The following KMT2A variants were observed in gnomAD, a reference collection of about 807,000 sequenced individuals.
The protein encoded by KMT2A is lysine methyltransferase 2A, also known as histone-lysine N-methyltransferase 2A.
KMT2A carries 16 observed loss-of-function variants against 345.3 expected under a neutral mutation model. The ratio of observed to expected loss-of-function variants is 0.05; its 90% CI spans 0.03 to 0.07. The LOEUF is 0.07. KMT2A is among the 10% of genes least tolerant of loss of function. KMT2A has a pLI of 1.00. For missense variants in KMT2A, 3,272 were observed against 4,841.6 expected, an observed-to-expected ratio of 0.68 and a Z score of 9.62; for synonymous variants, 1,599 against 1,778.6, an observed-to-expected ratio of 0.90 and a Z score of 2.54.
chr11:118,447,942 T>A (rs1215092917), intron 1 of KMT2A: 2 of 184,508 alleles, frequency 1.1e-5, no homozygotes, highest in African/African-American at 4.7e-5. Flanking sequence ...AATTTTATTA[T>A]CTTCTCTGGA....
At position 118,521,513 on chromosome 11, in the gene KMT2A, C is replaced by T; in HGVS notation, c.11643+96C>T. ...TCACAAAAGAAATAGTGTATGTTAT[C>T]AATTCAGAGACCTTTCTTAAAAAAA... On this transcript the variant is annotated intron_variant, in intron 35 of 35. Coordinates refer to ENST00000534358, the MANE Select transcript of KMT2A (RefSeq NM_001197104.2). The surrounding 1 kb of genome is among the most constrained non-coding windows in gnomAD (Gnocchi z 5.3). 4 of 1,395,534 alleles carry T rather than the reference C, an allele frequency of 2.9e-6. No individual in the cohort carries two copies. In the South Asian group the frequency reaches 4.1e-5, roughly 14 times the overall value. The allele number at this position is 1,395,534 out of a possible 1,614,324, so 86.4% of individuals were successfully genotyped here. A position where few individuals can be genotyped will look rare whatever the true frequency, so the allele number is the denominator to read the frequency against.
intron 3 of KMT2A, among the ~76,000 whole-genome samples, chr11:118,475,827 T>A (rs1157517339): frequency 6.6e-6 from 1 of 152,254 alleles, no homozygotes; most frequent in Non-Finnish European, 1.5e-5. Context: ...TGGGACTTAT[T>A]TTTAACACCA....
chr11:118,457,856 A>G (rs1442721702), intron 1 of KMT2A, among the ~76,000 whole-genome samples: 1 of 151,778 alleles, frequency 6.6e-6, no homozygotes, highest in Non-Finnish European at 1.5e-5. Context: ...GTCTTCCTCT[A>G]GCATAGCAGG....
At chr11:118,519,361 G>T in intron 31 of KMT2A, 1 of 406,968 alleles carries the variant, frequency 2.5e-6, no homozygotes, top group Non-Finnish European at 4.5e-6. Context: ...GCATTTCTGT[G>T]TAATAAAGCA....
chr11:118,439,233 C>G (rs1329582115), intron 1 of KMT2A: 1 of 380,608 alleles, frequency 2.6e-6, no homozygotes, highest in Non-Finnish European at 5.1e-6. Context: ...TGAGACTTGC[C>G]TGGTTATATG....
Position 118,481,930 on chromosome 11 carries a change from A to G in KMT2A, c.3850A>G (p.Lys1284Glu). ...GNVSAPGPES[K>E]QATTPASRKS... is the part of the protein sequence containing the mutation. The stretch of plus-strand genomic sequence containing the variant: ...TGTCTCGGCCCCTGGGCCTGAATCC[A>G]AACAGGCCACCACTCCAGCTTCCAG... Residue 1284 changes from lysine to glutamate, a missense_variant, in exon 7 of 36, where the codon AAA becomes GAA. By Grantham distance (56) the Lys-to-Glu change is moderately conservative. Transcript: ENST00000534358. 6.2e-7 allele frequency: 1 copy of G among 1,614,234 alleles called. No individual in the cohort carries two copies. Among genetic ancestry groups the G allele is most frequent in the Non-Finnish European group, 8.5e-7 (1 of 1,180,042 alleles).
Position 118,491,268 on chromosome 11 carries a change from A to G in KMT2A, c.4769A>G (p.Lys1590Arg). The G allele has an allele frequency of 1.2e-6, 2 of 1,614,014 alleles. No homozygotes were observed. The highest frequency in any genetic ancestry group is 1.7e-6 in the Non-Finnish European group (2 of 1,179,866). The stretch of plus-strand genomic sequence containing the variant: ...GAGAGTAAGATGATGCAATGTGGAA[A>G]GTGTGATCGCTGGGTCCATTCCAAA... ...DYESKMMQCG[K>R]CDRWVHSKCE... Residue 1590 changes from lysine to arginine, a missense_variant, in exon 14 of 36, where the codon AAG (lysine) becomes AGG (arginine). Around this residue, in one of 27 missense-constraint regions of KMT2A, gnomAD observed 120 missense variants for 280.4 expected, o/e 0.43. Coordinates refer to ENST00000534358, the MANE Select transcript of KMT2A (RefSeq NM_001197104.2). The surrounding 1 kb of genome is among the most constrained non-coding windows in gnomAD (Gnocchi z 4.2).
intron 1 of KMT2A, 61 bp downstream of exon 1, chr11:118,437,005 C>T: frequency 7.3e-7 from 1 of 1,364,876 alleles, no homozygotes; most frequent in East Asian, 3.0e-5. Context: ...CCCCTCCCCT[C>T]CCCCATCCGG....
rs141727765 is a variant in KMT2A, at chr11:118,502,464, G to A, written c.6572G>A (p.Arg2191Gln). Residue 2191 changes from arginine (R) to glutamine (Q), a missense_variant, in exon 27 of 36, where the codon CGA (arginine) becomes CAA (glutamine). By Grantham distance (43) the Arg-to-Gln change is conservative. This residue lies in a region of KMT2A where 445 missense variants were observed against 500.9 expected (regional missense o/e 0.89). Transcript: ENST00000534358. The surrounding 1 kb of genome is among the most constrained non-coding windows in gnomAD (Gnocchi z 4.9). Reference sequence around the variant, plus strand: ...GATCCTTTACTCTCCTCTGGACTTCGAAGCATTGGCTCCAGGCGTCACAGT... The same window carrying A: ...GATCCTTTACTCTCCTCTGGACTTCAAAGCATTGGCTCCAGGCGTCACAGT... ...VGDPLLSSGL[R>Q]SIGSRRHSTS... is the part of the protein sequence containing the mutation. 1.1e-3 allele frequency: 1,697 copies of A among 1,613,856 alleles called. No individual in the cohort carries two copies. The highest frequency in any genetic ancestry group is 3.3e-3 in the Admixed American group (199 of 59,996).
rs2134301840 is a variant in KMT2A at position 118,482,069 on chromosome 11, A to G, written c.3989A>G (p.Lys1330Arg). 6.2e-7 allele frequency: 1 copy of G among 1,609,850 alleles called. No individual in the cohort carries two copies. The highest frequency in any genetic ancestry group is 1.1e-5 in the South Asian group (1 of 90,460). The stretch of plus-strand genomic sequence containing the variant: ...ACCACTCCTAGTGAGCCCAAGAAAA[A>G]GCAGCCTCCACCACCAGAATCAGGT... ...PKTTPSEPKKKQPPPPESGPE... is the reference protein window; with the variant it reads ...PKTTPSEPKKRQPPPPESGPE... The change falls in exon 7 of 36, where the codon AAG becomes AGG. Residue 1330 changes from lysine (K) to arginine (R), a missense_variant. This residue lies in a region of KMT2A where 168 missense variants were observed against 216.0 expected (regional missense o/e 0.78). Transcript: ENST00000534358.
rs1591282948 is a variant in KMT2A at position 118,504,020 on chromosome 11, G to A, written c.8128G>A (p.Glu2710Lys). ...ATCCCATAATTTATTTCGGGAGGAG[G>A]AACAGTGTGATCTTCCAAAAATCTC... The part of the protein sequence containing the change: ...LASHNLFREE[E>K]QCDLPKISQL... Residue 2710 changes from glutamate (E) to lysine (K), a missense_variant, in exon 27 of 36, where the codon GAA (glutamate) becomes AAA (lysine). This residue lies in a region of KMT2A where 47 missense variants were observed against 53.6 expected (regional missense o/e 0.88). Coordinates refer to ENST00000534358, the MANE Select transcript of KMT2A (RefSeq NM_001197104.2). The surrounding 1 kb of genome is among the most constrained non-coding windows in gnomAD (Gnocchi z 6.4). The A allele has an allele frequency of 1.2e-6, 2 of 1,614,056 alleles. No homozygotes were observed. Among genetic ancestry groups the A allele is most frequent in the Non-Finnish European group, 1.7e-6 (2 of 1,180,024 alleles).
At chr11:118,501,571 T>G (rs1318373470) in intron 25 of KMT2A, 101 bp from the exon 26 acceptor site, 26 of 969,082 alleles carry the variant, frequency 2.7e-5, no homozygotes, top group Non-Finnish European at 3.7e-5. Flanking sequence ...TCTCATTTGC[T>G]TCTAGTTTTA....
chr11:118,498,178 A>C lies in KMT2A; in HGVS notation c.5802+105A>C. The C allele has an allele frequency of 7.6e-7, 1 of 1,308,062 alleles. No individual in the cohort carries two copies. The highest frequency in any genetic ancestry group is 1.3e-5 in the South Asian group (1 of 74,366). 81.0% of individuals were successfully genotyped at this position (1,308,062 alleles called of 1,614,324 possible). The stretch of plus-strand genomic sequence containing the variant: ...CCCTGATATTTTTCACAGTGCCATC[A>C]GGGTAGTTAGCCAACAAGTATTGAT... On this transcript the variant is annotated intron_variant, in intron 21 of 35. Coordinates refer to ENST00000534358, the MANE Select transcript of KMT2A (RefSeq NM_001197104.2). The surrounding 1 kb of genome is among the most constrained non-coding windows in gnomAD (Gnocchi z 4.4).
intron 1 of KMT2A, chr11:118,458,287 G>T: frequency 4.1e-6 from 1 of 244,636 alleles, no homozygotes; most frequent in Admixed American, 5.3e-5. Context: ...TCACTATGTT[G>T]GTCTAGAACT....
chr11:118,459,029 T>G (rs9332759), intron 1 of KMT2A, among the ~76,000 whole-genome samples: 16 of 152,324 alleles, frequency 1.1e-4, no homozygotes, highest in African/African-American at 3.4e-4. Context: ...ATTGATTCAT[T>G]GAAATTTGTT....
intron 1 of KMT2A, among the ~76,000 whole-genome samples, chr11:118,460,641 A>G (rs1248496710): frequency 6.6e-6 from 1 of 152,014 alleles, no homozygotes; most frequent in Non-Finnish European, 1.5e-5. Context: ...TGAATTACAC[A>G]TAGTATTTTA....
At chr11:118,455,658 CTTA>C (rs1284462517) in intron 1 of KMT2A, among the ~76,000 whole-genome samples, 2 of 150,762 alleles carry the variant, frequency 1.3e-5, no homozygotes, top group South Asian at 4.2e-4. Context: ...CTCTCTGCCC[CTTA>C]TTATTATTAT....
Position 118,491,064 on chromosome 11 carries a change from A to C in KMT2A, c.4697-132A>C. On this transcript the variant is annotated intron_variant, in intron 13 of 35. Coordinates refer to ENST00000534358, the MANE Select transcript of KMT2A (RefSeq NM_001197104.2). This position sits in a 1 kb window ranked among gnomAD's most constrained non-coding sequence, Gnocchi z 4.2. ...GACTGCAGATGTGTGAACATTCCAC[A>C]GTAGATCCATGCTGGTGTTCATGAT... is the stretch of plus-strand genomic sequence containing the variant. The C allele has an allele frequency of 1.2e-6, 1 of 839,650 alleles. No homozygotes were observed. The highest frequency in any genetic ancestry group is 1.8e-6 in the Non-Finnish European group (1 of 552,728). The allele number at this position is 839,650 out of a possible 1,614,324, so 52.0% of individuals were successfully genotyped here.
At position 118,495,824 on chromosome 11, in the gene KMT2A, C is replaced by T. The variant is rs1555043820; in HGVS notation, c.5488C>T (p.Pro1830Ser). 1 of 1,614,004 alleles carries T rather than the reference C, an allele frequency of 6.2e-7. No homozygotes were observed. The change falls in exon 19 of 36, where the codon CCC becomes TCC. Residue 1830 changes from proline to serine, a missense_variant. By Grantham distance (74) the Pro-to-Ser change is moderately conservative. Transcript: ENST00000534358. This position sits in a 1 kb window ranked among gnomAD's most constrained non-coding sequence, Gnocchi z 4.1. Reference sequence around the variant, plus strand: ...TTTAATGAAGAAAATCATTCCAGCTCCCAAACCCAAAGGTCCTGGAGAACC... The same window carrying T: ...TTTAATGAAGAAAATCATTCCAGCTTCCAAACCCAAAGGTCCTGGAGAACC... ...PPLMKKIIPAPKPKGPGEPDS... is the reference protein window; with the variant it reads ...PPLMKKIIPASKPKGPGEPDS...
Sources: allele counts gnomAD v4.1 joint callset (sites outside exome capture counted in the v4.1 genomes callset), GRCh38; gene constraint gnomAD v4.1.1; regional missense constraint gnomAD v4.1.1; non-coding constraint Gnocchi (gnomAD v3.1); transcripts MANE v1.5; gene names NCBI Gene and HGNC (gene_info 2026-07-23, HGNC 2026-07-21).